The following KIF21A variants were observed in gnomAD, a reference collection of about 807,000 sequenced individuals.
KIF21A encodes kinesin family member 21A.
KIF21A carries 114 observed loss-of-function variants against 202.9 expected under a neutral mutation model. That is an observed-to-expected ratio of 0.56 (90% CI 0.48 to 0.66). The LOEUF (loss-of-function observed/expected upper bound fraction) is 0.66, where lower values mean the gene tolerates loss of function less well. KIF21A is among the 30% of genes least tolerant of loss of function. The pLI is 0.00. For missense variants in KIF21A, 1,677 were observed against 1,994.9 expected (o/e 0.84, Z 3.04); for synonymous variants, 667 against 670.8 (o/e 0.99, Z 0.09).
chr12:39,302,852 T>C (rs1943095648), intron 36 of KIF21A, 113 bp downstream of exon 36: 3 of 948,068 alleles, frequency 3.2e-6, no homozygotes, highest in Non-Finnish European at 5.1e-6. Flanking sequence ...AAAGGCCTGA[T>C]TAATATTATC....
At chr12:39,340,102 T>C in intron 16 of KIF21A, 63 bp downstream of exon 16, 1 of 1,305,516 alleles carries the variant, frequency 7.7e-7, no homozygotes, top group Non-Finnish European at 1.1e-6. Context: ...GTTGTTTATT[T>C]TTTGTCCCAA....
intron 26 of KIF21A, among the ~76,000 whole-genome samples, chr12:39,323,864 A>C (rs1022526782): frequency 6.6e-6 from 1 of 152,156 alleles, no homozygotes; most frequent in Non-Finnish European, 1.5e-5. Flanking sequence ...TAATCCCAGC[A>C]CTTTGGGAGG....
intron 24 of KIF21A, among the ~76,000 whole-genome samples, chr12:39,328,194 G>A (rs1290341992): frequency 1.3e-5 from 2 of 151,996 alleles, no homozygotes; most frequent in African/African-American, 4.8e-5. Flanking sequence ...TAGAAACTTC[G>A]TGCAAATAAT....
rs146491768 is a variant in KIF21A at position 39,338,811 on chromosome 12, A to G, written c.2310+1354T>C. 1.6e-3 allele frequency among the ~76,000 whole-genome samples: 242 copies of G among 152,360 alleles called. 2 individuals carry two copies. Among genetic ancestry groups the G allele is most frequent in the African/African-American group, 5.6e-3 (233 of 41,580 alleles). On this transcript the variant is annotated intron_variant, in intron 16 of 37. Coordinates refer to ENST00000361418, the MANE Select transcript of KIF21A (RefSeq NM_001173464.2). ...GTGCATGCCTTAATCAAAAAACTTA[A>G]TTGTTAAAAGAAACATGCTGACAGA... is the stretch of plus-strand genomic sequence containing the variant.
At position 39,301,591 on chromosome 12, in the gene KIF21A, A is replaced by C; in HGVS notation, c.4820T>G (p.Ile1607Ser). 1 of 1,614,052 alleles carries C rather than the reference A, an allele frequency of 6.2e-7. No individual in the cohort carries two copies. The highest frequency in any genetic ancestry group is 8.5e-7 in the Non-Finnish European group (1 of 1,179,972). Reference protein sequence around the residue: ...PVLLSGCRGGILKVWNMDTFM... With the variant: ...PVLLSGCRGGSLKVWNMDTFM... ...AGTATCCATGTTCCAGACTTTCAAA[A>C]TGCCCCCTCTGCAGCCACTGAGCAA... The change falls in exon 37 of 38, where the codon ATT (isoleucine) becomes AGT (serine). Residue 1607 changes from isoleucine (I) to serine (S), a missense_variant. Physicochemically the swap from Ile to Ser is moderately radical, Grantham distance 142. Transcript: ENST00000361418.
At chr12:39,294,540 T>C (rs1303435090) in intron 37 of KIF21A, 23 bp from the exon 38 acceptor site, 1 of 1,549,902 alleles carries the variant, frequency 6.5e-7, no homozygotes, top group South Asian at 1.1e-5. Context: ...AAACAAAACA[T>C]GGATATATGA....
intron 1 of KIF21A, among the ~76,000 whole-genome samples, chr12:39,436,310 G>A (rs1012987538): frequency 1.3e-5 from 2 of 150,798 alleles, no homozygotes; most frequent in Non-Finnish European, 3.0e-5. Flanking sequence ...TAACTTTTCT[G>A]GGCCTCTAAC....
chr12:39,345,793 A>T (rs1371549331), intron 12 of KIF21A, among the ~76,000 whole-genome samples: 4 of 151,996 alleles, frequency 2.6e-5, no homozygotes, highest in African/African-American at 7.2e-5. Context: ...ATAATTCTGA[A>T]TCAGTAAAAT....
chr12:39,378,814 C>T (rs770085461), intron 1 of KIF21A, among the ~76,000 whole-genome samples: 1 of 151,970 alleles, frequency 6.6e-6, no homozygotes, highest in Non-Finnish European at 1.5e-5. Flanking sequence ...ATATTGTATA[C>T]AAAGGATAAA....
chr12:39,388,391 C>T (rs1951103957), intron 1 of KIF21A, among the ~76,000 whole-genome samples: 1 of 152,148 alleles, frequency 6.6e-6, no homozygotes, highest in Non-Finnish European at 1.5e-5. Context: ...AGAACCATGA[C>T]CAAATAAATC....
chr12:39,390,393 T>C (rs1951260819), intron 1 of KIF21A, among the ~76,000 whole-genome samples: 1 of 152,180 alleles, frequency 6.6e-6, no homozygotes, highest in Non-Finnish European at 1.5e-5. Context: ...AAGAGGTGAA[T>C]GATTCAAGTT....
chr12:39,373,408 A>G (rs1048082872), intron 1 of KIF21A, among the ~76,000 whole-genome samples: 1 of 151,706 alleles, frequency 6.6e-6, no homozygotes, highest in Admixed American at 6.6e-5. Context: ...GCTCACACAA[A>G]CTCTGCATTT....
chr12:39,343,237 G>A (rs866293572), intron 12 of KIF21A, among the ~76,000 whole-genome samples: 1 of 152,074 alleles, frequency 6.6e-6, no homozygotes, highest in African/African-American at 2.4e-5. Flanking sequence ...ACGCACACTT[G>A]TAATCCCAGC....
At chr12:39,345,036 C>G (rs1947772694) in intron 12 of KIF21A, among the ~76,000 whole-genome samples, 1 of 152,156 alleles carries the variant, frequency 6.6e-6, no homozygotes, top group Non-Finnish European at 1.5e-5. Context: ...GAGCTTATTA[C>G]TTATGCAGAA....
At chr12:39,377,201 G>A (rs1295353225) in intron 1 of KIF21A, among the ~76,000 whole-genome samples, 2 of 152,032 alleles carry the variant, frequency 1.3e-5, no homozygotes, top group Non-Finnish European at 2.9e-5. Flanking sequence ...CTTCTTCCTA[G>A]AGAACACCAA....
At chr12:39,306,802 T>C (rs1943519939) in intron 34 of KIF21A, among the ~76,000 whole-genome samples, 1 of 152,204 alleles carries the variant, frequency 6.6e-6, no homozygotes, top group African/African-American at 2.4e-5. Flanking sequence ...GGCAAGAGCA[T>C]TTGAGCCCAG....
Position 39,340,927 on chromosome 12 carries a change from C to G in KIF21A, c.2089G>C (p.Asp697His), listed in dbSNP as rs558091834. The G allele has an allele frequency of 1.9e-6, 3 of 1,611,904 alleles. No individual in the cohort carries two copies. Among genetic ancestry groups the G allele is most frequent in the Admixed American group, 3.3e-5 (2 of 59,954 alleles). Residue 697 changes from aspartate (D) to histidine (H), a missense_variant, in exon 15 of 38, where the codon GAC becomes CAC. Asp to His is a moderately conservative substitution (Grantham distance 81, BLOSUM62 -1). Coordinates refer to ENST00000361418, the MANE Select transcript of KIF21A (RefSeq NM_001173464.2). ...TTACCTAAGTTTTGAAGCACCTGGT[C>G]TCTTTCAAGCTGAGTATCCCGAATT... is the stretch of plus-strand genomic sequence containing the variant. ...HKIRDTQLER[D>H]QVLQNLGSVE...
chr12:39,437,235 A>G (rs1938939844), intron 1 of KIF21A, among the ~76,000 whole-genome samples: 1 of 152,204 alleles, frequency 6.6e-6, no homozygotes, highest in Non-Finnish European at 1.5e-5. Context: ...CTACCCCATA[A>G]TTAGGCATCA....
intron 12 of KIF21A, among the ~76,000 whole-genome samples, chr12:39,345,967 C>T (rs988693112): frequency 6.7e-6 from 1 of 150,234 alleles, no homozygotes; most frequent in Admixed American, 6.7e-5. Context: ...GCCACAGTTT[C>T]CTTTTGTTTG....
Sources: gnomAD v4.1 joint callset for allele counts (sites outside exome capture counted in the v4.1 genomes callset) on GRCh38, gnomAD v4.1.1 for gene constraint, MANE v1.5 for transcripts, NCBI Gene and HGNC (gene_info 2026-07-23, HGNC 2026-07-21) for gene names.